The following DENND5B variants were observed in gnomAD, a reference collection of about 807,000 sequenced individuals.
The protein encoded by DENND5B is DENN domain-containing protein 5B.
In DENND5B, 34 loss-of-function variants were observed where a neutral mutation model predicts 140.6. The observed-to-expected ratio is 0.24, with a 90% CI of 0.18 to 0.32. The LOEUF is 0.32. Ranked by LOEUF, DENND5B falls within the 10% of genes least tolerant of loss-of-function variation. The pLI, the probability that DENND5B is intolerant of heterozygous loss-of-function variation, is 1.00. For synonymous variants in DENND5B, 551 were observed against 562.1 expected, an observed-to-expected ratio of 0.98 and a Z score of 0.28; for missense variants, 1,142 against 1,560.2, an observed-to-expected ratio of 0.73 and a Z score of 4.52.
intron 4 of DENND5B, among the ~76,000 whole-genome samples, chr12:31,456,092 G>A (rs191423190): frequency 5.9e-5 from 9 of 151,978 alleles, no homozygotes. Context: ...CACTTTGGGA[G>A]CCTGAGGTGG....
chr12:31,447,605 C>A lies in DENND5B; in HGVS notation c.1794G>T (p.Leu598=). The change falls in exon 6 of 21, where the codon CTG becomes CTT. Residue 598 remains leucine (L), a synonymous_variant. Transcript: ENST00000389082. ...GCAAGGTGGGTGCCCTTACATTATA[C>A]AGCCTTATCTTATCAATCCGAGTGT... is the stretch of plus-strand genomic sequence containing the variant. ...VFDTRIDKIR[L]YNVRAPTLRT... 6.2e-7 allele frequency: 1 copy of A among 1,613,876 alleles called. No individual in the cohort carries two copies. Among genetic ancestry groups the A allele is most frequent in the Non-Finnish European group, 8.5e-7 (1 of 1,179,858 alleles).
At chr12:31,530,980 G>C (rs532242898) in intron 1 of DENND5B, among the ~76,000 whole-genome samples, 1 of 152,080 alleles carries the variant, frequency 6.6e-6, no homozygotes, top group South Asian at 2.1e-4. Context: ...AGAAAGGTCC[G>C]AAACACAAAA....
At chr12:31,541,050 A>AT in intron 1 of DENND5B, 1 of 445,244 alleles carries the variant, frequency 2.2e-6, no homozygotes, top group South Asian at 1.6e-5. Context: ...ATAAAAAAAA[A>AT]ATCAAATGAA....
In DENND5B at chr12:31,455,534, A is replaced by AT. The variant is rs200806011; in HGVS notation, c.1093-3059dup. On this transcript the variant is annotated intron_variant, in intron 4 of 20. Transcript: ENST00000389082. ...TTTCTCCAAAACAAACGAGAACTCT[A>AT]TAATAGGGCATTCTGATAAGTTGCT... 8.0e-3 allele frequency among the ~76,000 whole-genome samples: 1,211 copies of AT among 152,314 alleles called. 15 individuals carry two copies. The highest frequency in any genetic ancestry group is 0.028 in the African/African-American group (1,158 of 41,556).
chr12:31,399,015 G>A (rs1327566089), intron 16 of DENND5B, among the ~76,000 whole-genome samples: 3 of 150,786 alleles, frequency 2.0e-5, no homozygotes, highest in African/African-American at 7.3e-5. Flanking sequence ...CCAGCTACTC[G>A]GGAGGCTGAA....
intron 1 of DENND5B, among the ~76,000 whole-genome samples, chr12:31,552,274 G>C (rs1238440969): frequency 1.3e-5 from 2 of 152,116 alleles, no homozygotes; most frequent in Non-Finnish European, 2.9e-5. Flanking sequence ...TTGGCATGAA[G>C]GGCTGCTGAA....
At chr12:31,495,771 C>A in intron 2 of DENND5B, 39 bp downstream of exon 2, 3 of 1,433,186 alleles carry the variant, frequency 2.1e-6, no homozygotes, top group South Asian at 1.3e-5. Context: ...AAAGTGAAAA[C>A]AAGGCTAAAG....
chr12:31,480,387 C>A, intron 2 of DENND5B, 132 bp from the exon 3 acceptor site: 2 of 808,092 alleles, frequency 2.5e-6, no homozygotes, highest in South Asian at 2.4e-5. Context: ...TCGCAATAGC[C>A]TTAAATTAGA....
intron 1 of DENND5B, among the ~76,000 whole-genome samples, chr12:31,565,006 A>AT (rs1483649855): frequency 3.3e-5 from 5 of 152,198 alleles, no homozygotes; most frequent in Non-Finnish European, 7.3e-5. Flanking sequence ...ACTGCTGAAG[A>AT]TTATAGATCC....
chr12:31,422,202 G>A (rs922772245), intron 11 of DENND5B, among the ~76,000 whole-genome samples: 3 of 150,496 alleles, frequency 2.0e-5, no homozygotes, highest in Non-Finnish European at 1.5e-5. Flanking sequence ...GGTGGATCAC[G>A]AGGTTAGGAA....
In DENND5B at chr12:31,513,012, G is replaced by A. The variant is rs533112484; in HGVS notation, c.128-17093C>T. Among the ~76,000 whole-genome samples, 3 of 152,280 alleles carry A rather than the reference G, an allele frequency of 2.0e-5. No homozygotes were observed. In the East Asian group the frequency reaches 5.8e-4, roughly 29 times the overall value. On this transcript the variant is annotated intron_variant, in intron 1 of 20. Coordinates refer to ENST00000389082, the MANE Select transcript of DENND5B (RefSeq NM_144973.4). ...TCACCCAAAATACCACATTAGAGCAGTCAAGCCTCCCTAAGTTCCTCTTGG... is the reference window on the plus strand; with the variant it reads ...TCACCCAAAATACCACATTAGAGCAATCAAGCCTCCCTAAGTTCCTCTTGG...
intron 6 of DENND5B, among the ~76,000 whole-genome samples, chr12:31,443,273 T>C (rs916382812): frequency 2.6e-5 from 4 of 152,124 alleles, no homozygotes; most frequent in Admixed American, 1.3e-4. Flanking sequence ...TGGCGTTTCA[T>C]CATGTTGCTC....
Position 31,507,220 on chromosome 12 carries a change from C to T in DENND5B, c.128-11301G>A, listed in dbSNP as rs56249849. Among the ~76,000 whole-genome samples the T allele has an allele frequency of 3.3e-5, 5 of 151,894 alleles. No individual in the cohort carries two copies. In the South Asian group the frequency reaches 8.3e-4, roughly 25 times the overall value. On this transcript the variant is annotated intron_variant, in intron 1 of 20. Coordinates refer to ENST00000389082, the MANE Select transcript of DENND5B (RefSeq NM_144973.4). ...AGAGACAGGCTGCAGAGCAGTAGTG[C>T]GATCATAGCTCAGCAGCCTCAAACT... is the stretch of plus-strand genomic sequence containing the variant.
rs546873455 is a variant in DENND5B at position 31,450,386 on chromosome 12, G to T, written c.1629+1554C>A. Reference sequence around the variant, plus strand: ...TTATCTTTTGTTTTTTTGAGACAGGGTCTCACTCGCTAGCCCAAGCTGGAG... The same window carrying T: ...TTATCTTTTGTTTTTTTGAGACAGGTTCTCACTCGCTAGCCCAAGCTGGAG... On this transcript the variant is annotated intron_variant, in intron 5 of 20. Transcript: ENST00000389082. 3.3e-5 allele frequency among the ~76,000 whole-genome samples: 5 copies of T among 152,076 alleles called. No homozygotes were observed. The South Asian group carries it at 8.3e-4, about 25-fold the overall frequency.
chr12:31,437,144 C>A lies in DENND5B; in HGVS notation c.2013-3896G>T, dbSNP rs543373892. Among the ~76,000 whole-genome samples the A allele has an allele frequency of 6.1e-3, 538 of 88,200 alleles. 6 individuals are homozygous for A. Among genetic ancestry groups the A allele is most frequent in the African/African-American group, 0.015 (499 of 32,700 alleles). 57.9% of individuals were successfully genotyped at this position (88,200 alleles called of 152,430 possible). On this transcript the variant is annotated intron_variant, in intron 7 of 20. Transcript: ENST00000389082. ...AAAGTCTACTATAGCACCTGCCCCCCCCTTTTTTTTTTTTTTGAGACGGAG... is the reference window on the plus strand; with the variant it reads ...AAAGTCTACTATAGCACCTGCCCCCACCTTTTTTTTTTTTTTGAGACGGAG...
At chr12:31,520,859 AC>A (rs1947849128) in intron 1 of DENND5B, among the ~76,000 whole-genome samples, 1 of 152,104 alleles carries the variant, frequency 6.6e-6, no homozygotes, top group Non-Finnish European at 1.5e-5. Context: ...AACAACAACA[AC>A]AACAACAAAA....
At chr12:31,566,572 G>A (rs183386114) in intron 1 of DENND5B, among the ~76,000 whole-genome samples, 60 of 151,918 alleles carry the variant, frequency 3.9e-4, no homozygotes, top group African/African-American at 1.2e-3. Context: ...AGTTCAAGAC[G>A]AGCAAGGGCC....
At chr12:31,590,678 C>G (rs1449754894) in intron 1 of DENND5B, 28 bp downstream of exon 1, 2 of 1,452,110 alleles carry the variant, frequency 1.4e-6, no homozygotes, top group Non-Finnish European at 1.8e-6. Context: ...CCTGAGGGGG[C>G]TCAGCGCCGC....
At chr12:31,569,275 C>A (rs1032437673) in intron 1 of DENND5B, among the ~76,000 whole-genome samples, 2 of 151,944 alleles carry the variant, frequency 1.3e-5, no homozygotes, top group Non-Finnish European at 2.9e-5. Context: ...CACCATGCTG[C>A]GCAGGCTGGT....
Sources: allele counts gnomAD v4.1 joint callset (sites outside exome capture counted in the v4.1 genomes callset), GRCh38; gene constraint gnomAD v4.1.1; transcripts MANE v1.5; gene names NCBI Gene and HGNC (gene_info 2026-07-23, HGNC 2026-07-21).